The following MYO9A variants were observed in gnomAD, a reference collection of about 807,000 sequenced individuals.
MYO9A encodes myosin IXA.
A neutral mutation model predicts 293.3 loss-of-function variants in MYO9A; 103 were observed. The ratio of observed to expected loss-of-function variants is 0.35; its 90% confidence interval spans 0.30 to 0.41. MYO9A has a LOEUF of 0.41. Among genes scored for constraint, MYO9A ranks in the 10% least tolerant of loss-of-function variants. The pLI, the probability that MYO9A is intolerant of heterozygous loss-of-function variation, is 1.00. For synonymous variants in MYO9A, 1,001 were observed against 1,035.7 expected (o/e 0.97, Z 0.64); for missense variants, 2,685 against 3,033.0 (o/e 0.89, Z 2.69).
At chr15:71,997,623 C>T (rs1218081735) in intron 9 of MYO9A, among the ~76,000 whole-genome samples, 3 of 150,972 alleles carry the variant, frequency 2.0e-5, no homozygotes, top group East Asian at 1.9e-4. Context: ...ATACACCAAA[C>T]AAAAATAAAC....
intron 18 of MYO9A, among the ~76,000 whole-genome samples, chr15:71,930,095 G>C (rs1446052841): frequency 6.6e-6 from 1 of 152,122 alleles, no homozygotes; most frequent in Non-Finnish European, 1.5e-5. Flanking sequence ...AATTTCTATT[G>C]CTGGCCAGGC....
At chr15:72,100,908 G>A (rs1159189122) in intron 1 of MYO9A, among the ~76,000 whole-genome samples, 2 of 142,668 alleles carry the variant, frequency 1.4e-5, no homozygotes, top group African/African-American at 2.6e-5. Context: ...CGCCCGGTCC[G>A]GGAGGGAGGT....
At position 71,982,459 on chromosome 15, in the gene MYO9A, G is replaced by T. The variant is rs369005422; in HGVS notation, c.1723-4167C>A. ...ATCTGACTTTCGCTTTATGGTCCAG[G>T]ATATAAACAAATTTTGTAAATATCC... On this transcript the variant is annotated intron_variant, in intron 11 of 41. Transcript: ENST00000356056. Among the ~76,000 whole-genome samples the T allele has an allele frequency of 5.9e-5, 9 of 151,814 alleles. No homozygotes were observed. The South Asian group carries it at 1.9e-3, about 32-fold the overall frequency.
intron 1 of MYO9A, among the ~76,000 whole-genome samples, chr15:72,086,738 G>A (rs1168955835): frequency 1.4e-4 from 15 of 110,058 alleles, no homozygotes; most frequent in East Asian, 5.7e-4. Flanking sequence ...CATATCCACC[G>A]GGGCTGTTTT....
At chr15:72,011,211 C>T (rs965900354) in intron 6 of MYO9A, among the ~76,000 whole-genome samples, 1 of 151,942 alleles carries the variant, frequency 6.6e-6, no homozygotes, top group African/African-American at 2.4e-5. Flanking sequence ...ATGGTTTCAC[C>T]ACATTGCCCA....
In MYO9A at chr15:71,927,388, T is replaced by C. The variant is rs912763619; in HGVS notation, c.2562+6282A>G. 2.6e-4 allele frequency among the ~76,000 whole-genome samples: 39 copies of C among 152,184 alleles called. 2 individuals carry two copies. The highest frequency in any genetic ancestry group is 1.9e-3 in the Admixed American group (29 of 15,278). On this transcript the variant is annotated intron_variant, in intron 18 of 41. Coordinates refer to ENST00000356056, the MANE Select transcript of MYO9A (RefSeq NM_006901.4). ...CAATCCCATTTGTCTATTACTGCTT[T>C]CGTTATCTGTGTTTTGGGGGTCATA...
chr15:71,974,335 C>T (rs945580067), intron 12 of MYO9A, among the ~76,000 whole-genome samples: 41 of 152,174 alleles, frequency 2.7e-4, no homozygotes, highest in Admixed American at 1.9e-3. Context: ...CATGCTTTCA[C>T]GAGTGTGTGC....
At chr15:72,100,867 G>A (rs1448678726) in intron 1 of MYO9A, among the ~76,000 whole-genome samples, 68 of 148,978 alleles carry the variant, frequency 4.6e-4, no homozygotes, top group African/African-American at 1.7e-3. Context: ...CCGGGAGGGA[G>A]GTGGGGGGGG....
Position 72,028,203 on chromosome 15 carries a change from AT to A in MYO9A, c.936-411del, listed in dbSNP as rs1441086238. On this transcript the variant is annotated intron_variant, in intron 3 of 41. Coordinates refer to ENST00000356056, the MANE Select transcript of MYO9A (RefSeq NM_006901.4). ...CAGAGTGAGAATCTGTCTCAAAAAA[AT>A]AAATAAATAAATAAATATATATATA... Among the ~76,000 whole-genome samples, 289 of 68,900 alleles carry A rather than the reference AT, an allele frequency of 4.2e-3. 1 individual carries two copies. Among genetic ancestry groups the A allele is most frequent in the African/African-American group, 0.012 (283 of 23,384 alleles). The allele number at this position is 68,900 out of a possible 152,430, so 45.2% of individuals were successfully genotyped here. A position where few individuals can be genotyped will look rare whatever the true frequency, so the allele number is the denominator to read the frequency against.
chr15:71,959,743 C>A, intron 14 of MYO9A, 158 bp downstream of exon 14: 1 of 641,318 alleles, frequency 1.6e-6, no homozygotes, highest in Non-Finnish European at 2.6e-6. Flanking sequence ...TTCATAGTCA[C>A]AAATCAGTTA....
intron 4 of MYO9A, among the ~76,000 whole-genome samples, chr15:72,026,275 G>GAAAAAAAAAAAAA (rs35491673): frequency 3.2e-5 from 2 of 63,474 alleles, no homozygotes; most frequent in African/African-American, 6.7e-5. Context: ...TCCGTCTCAA[G>GAAAAAAAAAAAAA]AAAAAAAAAA....
intron 32 of MYO9A, among the ~76,000 whole-genome samples, chr15:71,874,081 T>C (rs1202797232): frequency 6.6e-6 from 1 of 152,216 alleles, no homozygotes; most frequent in Non-Finnish European, 1.5e-5. Context: ...TTAGGTATAC[T>C]ACTTTCAAAA....
intron 1 of MYO9A, among the ~76,000 whole-genome samples, chr15:72,075,997 A>G (rs575787033): frequency 3.9e-5 from 6 of 152,184 alleles, no homozygotes; most frequent in Admixed American, 3.3e-4. Context: ...TGAAGACTGG[A>G]GGAAGAATTA....
At position 71,978,341 on chromosome 15, in the gene MYO9A, T is replaced by C. The variant is rs777632569; in HGVS notation, c.1723-49A>G. On this transcript the variant is annotated intron_variant, in intron 11 of 41. Coordinates refer to ENST00000356056, the MANE Select transcript of MYO9A (RefSeq NM_006901.4). ...AACAATTTATTCATCTTGCAGAAAA[T>C]AGGTATATAATATAGATTGAAAAGC... 185 of 1,520,608 alleles carry C rather than the reference T, an allele frequency of 1.2e-4. 3 individuals carry two copies. The South Asian group carries it at 2.1e-3, about 18-fold the overall frequency. The allele number at this position is 1,520,608 out of a possible 1,614,324, so 94.2% of individuals were successfully genotyped here.
chr15:72,104,466 C>G (rs1469440053), intron 1 of MYO9A, among the ~76,000 whole-genome samples: 2 of 152,156 alleles, frequency 1.3e-5, no homozygotes, highest in Non-Finnish European at 2.9e-5. Context: ...TAATATAAGT[C>G]TGGTACCTAG....
chr15:71,880,326 A>G lies in MYO9A; in HGVS notation c.5622+9T>C, dbSNP rs529806958. The G allele has an allele frequency of 2.0e-5, 33 of 1,613,350 alleles. No homozygotes were observed. In the South Asian group the frequency reaches 3.2e-4, roughly 16 times the overall value. ...TGCTCCAGGGCCTGACGTGGCAAAT[A>G]AAGTGTACCTTTTTCAGAAGAAATT... On this transcript the variant is annotated intron_variant, in intron 29 of 41. Transcript: ENST00000356056.
intron 14 of MYO9A, among the ~76,000 whole-genome samples, chr15:71,956,330 A>ATATATATATATATATATATATATATATAT (rs1555490831): frequency 2.6e-5 from 2 of 75,580 alleles, no homozygotes; most frequent in South Asian, 9.8e-4. Flanking sequence ...AAAAAAAAAA[A>ATATATATATATATATATATATATATATAT]ATATATATAT....
At chr15:72,054,932 A>G (rs1367757393) in intron 1 of MYO9A, among the ~76,000 whole-genome samples, 2 of 148,096 alleles carry the variant, frequency 1.4e-5, no homozygotes, top group Admixed American at 6.8e-5. Context: ...GAAAGAATTA[A>G]AAAAAAAAAA....
chr15:71,896,433 C>T (rs569335227), intron 25 of MYO9A, among the ~76,000 whole-genome samples: 1 of 151,986 alleles, frequency 6.6e-6, no homozygotes, highest in Non-Finnish European at 1.5e-5. Flanking sequence ...TTTTTACGTA[C>T]CACTTAAAAA....
Sources: gnomAD v4.1 joint callset for allele counts (sites outside exome capture counted in the v4.1 genomes callset) on GRCh38, gnomAD v4.1.1 for gene constraint, MANE v1.5 for transcripts, NCBI Gene and HGNC (gene_info 2026-07-23, HGNC 2026-07-21) for gene names.